Variants in UBXN4 observed in about 807,000 individuals in gnomAD.
UBXN4 encodes the protein UBX domain protein 4, also known as UBX domain-containing protein 4.
UBXN4 carries 35 observed loss-of-function variants against 66.2 expected under a neutral mutation model. That is an observed-to-expected ratio of 0.53 (90% CI 0.40 to 0.70). UBXN4 has a LOEUF of 0.70. Among genes scored for constraint, UBXN4 ranks in the 30% least tolerant of loss-of-function variants. UBXN4 has a pLI of 0.00. For missense variants in UBXN4, 533 were observed against 599.8 expected (o/e 0.89, Z 1.16); for synonymous variants, 203 against 204.5 (o/e 0.99, Z 0.06).
intron 9 of UBXN4, among the ~76,000 whole-genome samples, chr2:135,773,982 A>G (rs1220061606): frequency 3.9e-5 from 6 of 152,220 alleles, no homozygotes; most frequent in Non-Finnish European, 8.8e-5. Flanking sequence ...TATAGATTCA[A>G]CACTCCTATC....
Position 135,780,225 on chromosome 2 carries a change from G to C in UBXN4, c.1228G>C (p.Asp410His), listed in dbSNP as rs1448462745. ...TASIVHSSSGDIWTLLGTVLY... is the reference protein window; with the variant it reads ...TASIVHSSSGHIWTLLGTVLY... ...ATCCATTGTACACTCTTCCAGCGGA[G>C]ACATTTGGACCTTGTTGGGAACAGT... Residue 410 changes from aspartate (D) to histidine (H), a missense_variant, in exon 12 of 13, where the codon GAC (aspartate) becomes CAC (histidine). Asp to His is a moderately conservative substitution (Grantham distance 81, BLOSUM62 -1). Around this residue, in one of 2 missense-constraint regions of UBXN4, gnomAD observed 529 missense variants for 580.1 expected, o/e 0.91. Coordinates refer to ENST00000272638, the MANE Select transcript of UBXN4 (RefSeq NM_014607.4). 1 of 1,613,980 alleles carries C rather than the reference G, an allele frequency of 6.2e-7. No individual in the cohort carries two copies. Among genetic ancestry groups the C allele is most frequent in the African/African-American group, 1.3e-5 (1 of 74,886 alleles).
At position 135,747,156 on chromosome 2, in the gene UBXN4, G is replaced by A. The variant is rs556438161; in HGVS notation, c.83-1111G>A. On this transcript the variant is annotated intron_variant, in intron 1 of 12. Transcript: ENST00000272638. The stretch of plus-strand genomic sequence containing the variant: ...GGCCAAAGTGGATTAAATTGTCCTG[G>A]CCAACATAGTGAAACCCCATCTCTA... Among the ~76,000 whole-genome samples, 126 of 150,202 alleles carry A rather than the reference G, an allele frequency of 8.4e-4. 1 individual carries two copies. The highest frequency in any genetic ancestry group is 1.4e-3 in the Non-Finnish European group (96 of 67,732).
At chr2:135,754,957 C>G (rs1213748014) in intron 4 of UBXN4, among the ~76,000 whole-genome samples, 1 of 151,450 alleles carries the variant, frequency 6.6e-6, no homozygotes, top group East Asian at 2.0e-4. Context: ...CTAATTTTTG[C>G]ATTTTTAGTA....
At chr2:135,758,965 G>C (rs1018305153) in intron 5 of UBXN4, among the ~76,000 whole-genome samples, 3 of 152,054 alleles carry the variant, frequency 2.0e-5, no homozygotes, top group African/African-American at 4.8e-5. Context: ...CACCATGTTG[G>C]CCAGGCTGGC....
intron 9 of UBXN4, among the ~76,000 whole-genome samples, chr2:135,773,361 C>T (rs2077394981): frequency 6.6e-6 from 1 of 152,164 alleles, no homozygotes; most frequent in African/African-American, 2.4e-5. Context: ...CAGGAGAGCC[C>T]AGCACCTCCT....
chr2:135,765,358 C>T (rs2077340922), intron 6 of UBXN4, among the ~76,000 whole-genome samples: 1 of 151,876 alleles, frequency 6.6e-6, no homozygotes, highest in African/African-American at 2.4e-5. Context: ...TACAGGTGCC[C>T]ACCACCACAC....
chr2:135,752,464 C>T (rs2077249199), intron 2 of UBXN4, among the ~76,000 whole-genome samples: 1 of 152,198 alleles, frequency 6.6e-6, no homozygotes, highest in African/African-American at 2.4e-5. Flanking sequence ...CAGATGTGAT[C>T]CACAGTGCTG....
chr2:135,780,100 A>C, intron 11 of UBXN4, 83 bp from the exon 12 acceptor site: 3 of 1,364,238 alleles, frequency 2.2e-6, no homozygotes, highest in South Asian at 1.3e-5. Context: ...CTCCTTTTCC[A>C]GATAAAAGTT....
chr2:135,744,337 TAAAG>T (rs1202284787), intron 1 of UBXN4, among the ~76,000 whole-genome samples: 1 of 152,178 alleles, frequency 6.6e-6, no homozygotes, highest in African/African-American at 2.4e-5. Flanking sequence ...ATGGATGAAT[TAAAG>T]AATATTGTAG....
intron 9 of UBXN4, among the ~76,000 whole-genome samples, chr2:135,774,120 A>T (rs1054874166): frequency 1.3e-5 from 2 of 152,376 alleles, no homozygotes; most frequent in South Asian, 2.1e-4. Context: ...TTTCAAACTT[A>T]CTGCAAAGCT....
At chr2:135,758,157 C>T (rs962350849) in intron 5 of UBXN4, among the ~76,000 whole-genome samples, 1 of 151,482 alleles carries the variant, frequency 6.6e-6, no homozygotes, top group Non-Finnish European at 1.5e-5. Flanking sequence ...TCACCACAAC[C>T]TCCATCTCCT....
intron 6 of UBXN4, 78 bp from the exon 7 acceptor site, chr2:135,769,691 C>A: frequency 9.3e-7 from 1 of 1,073,752 alleles, no homozygotes; most frequent in Non-Finnish European, 1.3e-6. Flanking sequence ...ATTGTTTTAG[C>A]TAAATCCATC....
rs1337014755 is a variant in UBXN4, at chr2:135,749,681, CTAA to C, written c.185+1320_185+1322del. Among the ~76,000 whole-genome samples the C allele has an allele frequency of 1.3e-4, 20 of 152,266 alleles. No individual in the cohort carries two copies. The East Asian group carries it at 1.7e-3, about 13-fold the overall frequency. On this transcript the variant is annotated intron_variant, in intron 2 of 12. Transcript: ENST00000272638. Reference sequence around the variant, plus strand: ...AACTATAATATTAATACTTCACAAACTAATAATAATTCTTTAATATCAAATAAC... The same window carrying C: ...AACTATAATATTAATACTTCACAAACTAATAATTCTTTAATATCAAATAAC...
intron 12 of UBXN4, among the ~76,000 whole-genome samples, chr2:135,781,446 T>A (rs2077448435): frequency 6.6e-6 from 1 of 152,214 alleles, no homozygotes; most frequent in African/African-American, 2.4e-5. Context: ...CTATGAGGCC[T>A]TTTATAGGCA....
intron 1 of UBXN4, among the ~76,000 whole-genome samples, chr2:135,743,746 T>C (rs141333032): frequency 3.4e-4 from 52 of 152,272 alleles, no homozygotes; most frequent in African/African-American, 1.2e-3. Context: ...GGTAAATCAG[T>C]TAATTTAAAA....
At chr2:135,765,786 G>C (rs559990714) in intron 6 of UBXN4, among the ~76,000 whole-genome samples, 23 of 152,100 alleles carry the variant, frequency 1.5e-4, no homozygotes, top group African/African-American at 5.5e-4. Flanking sequence ...CCTAGGCCAG[G>C]ATCTGGGGAT....
chr2:135,748,224 GC>G, intron 1 of UBXN4, 42 bp from the exon 2 acceptor site: 2 of 1,435,298 alleles, frequency 1.4e-6, no homozygotes, highest in Non-Finnish European at 1.9e-6. Context: ...TTTGCAATCA[GC>G]AGATCCCAGC....
rs115422652 is a variant in UBXN4, at chr2:135,745,103, G to A, written c.82+3092G>A. Reference sequence around the variant, plus strand: ...CCTCCCAGGATTCTCAAGCCTAAACGTGTAAGTGCTGCCTAAACCTGTGTT... The same window carrying A: ...CCTCCCAGGATTCTCAAGCCTAAACATGTAAGTGCTGCCTAAACCTGTGTT... On this transcript the variant is annotated intron_variant, in intron 1 of 12. Transcript: ENST00000272638. Among the ~76,000 whole-genome samples the A allele has an allele frequency of 7.4e-3, 1,132 of 152,310 alleles. 13 individuals carry two copies. Among genetic ancestry groups the A allele is most frequent in the African/African-American group, 0.026 (1,061 of 41,566 alleles).
intron 5 of UBXN4, among the ~76,000 whole-genome samples, chr2:135,758,224 G>A (rs372041524): frequency 1.8e-4 from 27 of 152,110 alleles, no homozygotes; most frequent in African/African-American, 2.4e-4. Flanking sequence ...ACAGGCATGC[G>A]CCACCATGCC....
Sources: gnomAD v4.1 joint callset for allele counts (sites outside exome capture counted in the v4.1 genomes callset) on GRCh38, gnomAD v4.1.1 for gene constraint, gnomAD v4.1.1 regional missense constraint, MANE v1.5 for transcripts, NCBI Gene and HGNC (gene_info 2026-07-23, HGNC 2026-07-21) for gene names.